CTNND2: variants seen among roughly 807,000 people sequenced by gnomAD.
CTNND2 encodes catenin delta 2, also known as catenin delta-2.
CTNND2 carries 22 observed loss-of-function variants against 144.4 expected under a neutral mutation model. The observed-to-expected ratio is 0.15, with a 90% confidence interval of 0.11 to 0.22. The LOEUF is 0.22. Ranked by LOEUF, CTNND2 falls within the 10% of genes least tolerant of loss-of-function variation. CTNND2 has a pLI of 1.00. For synonymous variants in CTNND2, 751 were observed against 695.6 expected, an observed-to-expected ratio of 1.08 and a Z score of -1.25; for missense variants, 1,353 against 1,618.8, an observed-to-expected ratio of 0.84 and a Z score of 2.82.
chr5:11,140,450 G>GT (rs1756616278), intron 12 of CTNND2, among the ~76,000 whole-genome samples: 2 of 152,290 alleles, frequency 1.3e-5, no homozygotes, highest in South Asian at 4.1e-4. Flanking sequence ...TCAAACGATT[G>GT]TTTTTGCAAG....
intron 11 of CTNND2, among the ~76,000 whole-genome samples, chr5:11,199,229 T>C (rs917534523): frequency 6.6e-6 from 1 of 152,190 alleles, no homozygotes; most frequent in African/African-American, 2.4e-5. Context: ...TCACAGAATT[T>C]TAGTGAGGAT....
At chr5:11,215,167 T>C (rs1739044382) in intron 10 of CTNND2, among the ~76,000 whole-genome samples, 1 of 152,164 alleles carries the variant, frequency 6.6e-6, no homozygotes, top group Non-Finnish European at 1.5e-5. Flanking sequence ...CGTCTGTCTG[T>C]CAGGAGAAGT....
chr5:11,499,420 A>G (rs1459739010), intron 3 of CTNND2, among the ~76,000 whole-genome samples: 1 of 152,188 alleles, frequency 6.6e-6, no homozygotes, highest in Non-Finnish European at 1.5e-5. Flanking sequence ...CCATTTGCCA[A>G]CTTGTTTCTG....
intron 9 of CTNND2, among the ~76,000 whole-genome samples, chr5:11,253,039 A>G (rs1423024012): frequency 2.0e-5 from 3 of 152,140 alleles, no homozygotes; most frequent in African/African-American, 7.2e-5. Context: ...TGCTTTCTCC[A>G]TTTATAATCT....
At chr5:11,490,758 A>G (rs1291798795) in intron 3 of CTNND2, among the ~76,000 whole-genome samples, 3 of 152,216 alleles carry the variant, frequency 2.0e-5, no homozygotes, top group Non-Finnish European at 4.4e-5. Context: ...GTTCATCAAA[A>G]GCCTTCAATA....
At chr5:11,674,621 A>G (rs2126609701) in intron 2 of CTNND2, among the ~76,000 whole-genome samples, 1 of 152,348 alleles carries the variant, frequency 6.6e-6, no homozygotes, top group South Asian at 2.1e-4. Flanking sequence ...AGATAAACTC[A>G]TGTACATGAA....
chr5:11,469,466 T>C (rs900099273), intron 3 of CTNND2, among the ~76,000 whole-genome samples: 10 of 152,144 alleles, frequency 6.6e-5, no homozygotes, highest in African/African-American at 2.4e-4. Flanking sequence ...GGCATAACAC[T>C]GCTGCATTTA....
intron 3 of CTNND2, among the ~76,000 whole-genome samples, chr5:11,469,732 C>T (rs891316908): frequency 6.6e-6 from 1 of 152,178 alleles, no homozygotes; most frequent in African/African-American, 2.4e-5. Flanking sequence ...TTTAAATATT[C>T]AAGTATTTTT....
At chr5:11,474,031 A>G (rs1767486203) in intron 3 of CTNND2, among the ~76,000 whole-genome samples, 1 of 152,232 alleles carries the variant, frequency 6.6e-6, no homozygotes, top group Non-Finnish European at 1.5e-5. Context: ...GAAGCATGGC[A>G]TCTATGCTGT....
chr5:11,441,063 A>C (rs1246732428), intron 3 of CTNND2, among the ~76,000 whole-genome samples: 1 of 152,210 alleles, frequency 6.6e-6, no homozygotes, highest in Non-Finnish European at 1.5e-5. Context: ...TGAAAACATA[A>C]TGTATTATCA....
chr5:11,507,642 G>A (rs1771192039), intron 3 of CTNND2, among the ~76,000 whole-genome samples: 1 of 152,172 alleles, frequency 6.6e-6, no homozygotes, highest in African/African-American at 2.4e-5. Flanking sequence ...TCCTCCACGG[G>A]TTTCCTCCTG....
chr5:10,980,774 C>T (rs1737132568), intron 21 of CTNND2, among the ~76,000 whole-genome samples: 1 of 152,102 alleles, frequency 6.6e-6, no homozygotes, highest in South Asian at 2.1e-4. Flanking sequence ...CTGGAAACAT[C>T]ATTCTCAGGA....
At chr5:11,051,580 G>A (rs572120640) in intron 16 of CTNND2, among the ~76,000 whole-genome samples, 67 of 152,226 alleles carry the variant, frequency 4.4e-4, no homozygotes, top group Non-Finnish European at 8.4e-4. Context: ...TGTAAGATAT[G>A]AAAATTCATC....
intron 3 of CTNND2, among the ~76,000 whole-genome samples, chr5:11,552,512 T>C (rs1775853434): frequency 6.6e-6 from 1 of 152,216 alleles, no homozygotes; most frequent in South Asian, 2.1e-4. Context: ...CATCCTAAAA[T>C]ATTCAGATGA....
intron 12 of CTNND2, among the ~76,000 whole-genome samples, chr5:11,147,041 T>C (rs981928908): frequency 6.6e-6 from 1 of 152,234 alleles, no homozygotes; most frequent in Non-Finnish European, 1.5e-5. Context: ...GAAGGGCCAT[T>C]CATCAATTCA....
At chr5:11,335,066 T>C (rs550090490) in intron 9 of CTNND2, among the ~76,000 whole-genome samples, 104 of 152,306 alleles carry the variant, frequency 6.8e-4, no homozygotes, top group Middle Eastern at 3.4e-3. Flanking sequence ...CCTTCTTGTC[T>C]TCTTAGTAGA....
At chr5:11,578,368 G>GAGT (rs760186029) in intron 2 of CTNND2, among the ~76,000 whole-genome samples, 5 of 152,098 alleles carry the variant, frequency 3.3e-5, no homozygotes, top group Non-Finnish European at 5.9e-5. Flanking sequence ...TTTATGTAAA[G>GAGT]AGTAGTGAAC....
chr5:11,368,695 T>C (rs917928139), intron 7 of CTNND2, among the ~76,000 whole-genome samples: 2 of 152,182 alleles, frequency 1.3e-5, no homozygotes, highest in Non-Finnish European at 2.9e-5. Context: ...AAGTAGTAAT[T>C]TTCCTGCTGT....
At chr5:11,055,774 C>T (rs1746293041) in intron 16 of CTNND2, among the ~76,000 whole-genome samples, 1 of 152,066 alleles carries the variant, frequency 6.6e-6, no homozygotes, top group South Asian at 2.1e-4. Context: ...ATCTTTGGCT[C>T]ATGTAGGGAG....
Sources: allele counts gnomAD v4.1 joint callset (sites outside exome capture counted in the v4.1 genomes callset), GRCh38; gene constraint gnomAD v4.1.1; transcripts MANE v1.5; gene names NCBI Gene and HGNC (gene_info 2026-07-23, HGNC 2026-07-21).